Variants in GALNT13 observed in about 807,000 individuals in gnomAD.
GALNT13 encodes polypeptide N-acetylgalactosaminyltransferase 13.
Under a neutral mutation model 64.2 loss-of-function variants are expected in GALNT13, and 28 were observed. That is an observed-to-expected ratio of 0.44 (90% CI 0.32 to 0.60). GALNT13 has a LOEUF of 0.60. Among genes scored for constraint, GALNT13 ranks in the 20% least tolerant of loss-of-function variants. The probability of loss-of-function intolerance (pLI) is 0.05; values close to 1 mark genes in which losing one functional copy is unlikely to be tolerated. For synonymous variants in GALNT13, 214 were observed against 224.6 expected (o/e 0.95, Z 0.42); for missense variants, 577 against 669.8 (o/e 0.86, Z 1.53).
At chr2:153,643,033 G>T in the GALNT13 span, among the ~76,000 whole-genome samples, 1 of 151,462 alleles carries the variant, frequency 6.6e-6, no homozygotes, top group Non-Finnish European at 1.5e-5. Context: ...AATATAATCT[G>T]TGAGGTGTAG....
At chr2:154,395,734 T>C (rs1455814440) in intron 9 of GALNT13, among the ~76,000 whole-genome samples, 1 of 152,178 alleles carries the variant, frequency 6.6e-6, no homozygotes, top group East Asian at 1.9e-4. Flanking sequence ...AGTTAATTAA[T>C]TATTCAATCT....
the GALNT13 span, among the ~76,000 whole-genome samples, chr2:153,757,677 C>G: frequency 6.6e-6 from 1 of 152,080 alleles, no homozygotes; most frequent in Non-Finnish European, 1.5e-5. Flanking sequence ...AATAGCTATC[C>G]TGATAAGTGT....
At chr2:153,163,740 C>G in the GALNT13 span, among the ~76,000 whole-genome samples, 1 of 152,146 alleles carries the variant, frequency 6.6e-6, no homozygotes, top group African/African-American at 2.4e-5. Context: ...GTCAGGCTGG[C>G]CGGACGCGGA....
chr2:154,087,097 G>A (rs964153194), intron 3 of GALNT13, among the ~76,000 whole-genome samples: 1 of 151,846 alleles, frequency 6.6e-6, no homozygotes, highest in Non-Finnish European at 1.5e-5. Context: ...TTACATTAAC[G>A]AGAAACCTTA....
chr2:154,362,500 G>A (rs1361862847), intron 9 of GALNT13, among the ~76,000 whole-genome samples: 2 of 151,820 alleles, frequency 1.3e-5, no homozygotes, highest in Non-Finnish European at 2.9e-5. Flanking sequence ...CTATTGGTGG[G>A]TGAGAGACCA....
At chr2:154,184,049 G>T (rs1225892712) in intron 4 of GALNT13, among the ~76,000 whole-genome samples, 1 of 151,500 alleles carries the variant, frequency 6.6e-6, no homozygotes, top group African/African-American at 2.4e-5. Context: ...ACCTTATCAT[G>T]AATTAACCCA....
chr2:153,985,085 A>G (rs1694707584), intron 3 of GALNT13, among the ~76,000 whole-genome samples: 1 of 152,082 alleles, frequency 6.6e-6, no homozygotes, highest in Non-Finnish European at 1.5e-5. Context: ...GATCAACTAC[A>G]ACTATCTATA....
the GALNT13 span, among the ~76,000 whole-genome samples, chr2:153,606,484 A>T: frequency 2.0e-5 from 3 of 151,958 alleles, no homozygotes; most frequent in African/African-American, 4.8e-5. Context: ...AAAATTATGA[A>T]TTTTTTTGTG....
chr2:153,264,290 G>A, the GALNT13 span, among the ~76,000 whole-genome samples: 2 of 152,208 alleles, frequency 1.3e-5, no homozygotes, highest in Non-Finnish European at 2.9e-5. Flanking sequence ...AGAAGCAATA[G>A]ATGCTAGCGA....
chr2:154,388,060 C>A (rs1698599120), intron 9 of GALNT13, among the ~76,000 whole-genome samples: 1 of 152,146 alleles, frequency 6.6e-6, no homozygotes, highest in African/African-American at 2.4e-5. Context: ...ATTCCCATTT[C>A]TCCACATCCT....
At chr2:153,953,420 A>T (rs1692339697) in intron 3 of GALNT13, among the ~76,000 whole-genome samples, 1 of 152,284 alleles carries the variant, frequency 6.6e-6, no homozygotes, top group Non-Finnish European at 1.5e-5. Context: ...TCACAAAAAA[A>T]TCTGTAAAGT....
At chr2:154,438,878 G>T in intron 12 of GALNT13, 152 bp downstream of exon 12, 1 of 578,226 alleles carries the variant, frequency 1.7e-6, no homozygotes, top group Non-Finnish European at 3.0e-6. Flanking sequence ...TATTAGGATG[G>T]CATATCATAT....
At chr2:153,801,716 A>G in the GALNT13 span, among the ~76,000 whole-genome samples, 3 of 152,174 alleles carry the variant, frequency 2.0e-5, no homozygotes, top group Non-Finnish European at 2.9e-5. Context: ...CTGAGCACCC[A>G]TTGTTGGAAA....
the GALNT13 span, among the ~76,000 whole-genome samples, chr2:153,495,301 C>A: frequency 6.6e-6 from 1 of 151,926 alleles, no homozygotes; most frequent in East Asian, 1.9e-4. Context: ...CAGAACGAGA[C>A]TCTGTCTCAA....
At chr2:153,629,357 A>G in the GALNT13 span, among the ~76,000 whole-genome samples, 1 of 151,874 alleles carries the variant, frequency 6.6e-6, no homozygotes, top group African/African-American at 2.4e-5. Context: ...ATCTACAACT[A>G]TCTGATCTTT....
chr2:154,373,628 T>C (rs1697822166), intron 9 of GALNT13, among the ~76,000 whole-genome samples: 1 of 152,210 alleles, frequency 6.6e-6, no homozygotes, highest in South Asian at 2.1e-4. Context: ...AGACCTGCTT[T>C]TAAAATAAAA....
At chr2:153,505,030 A>T in the GALNT13 span, among the ~76,000 whole-genome samples, 1 of 151,892 alleles carries the variant, frequency 6.6e-6, no homozygotes, top group Non-Finnish European at 1.5e-5. Flanking sequence ...TTTATTGGCA[A>T]TTTTTTAGTT....
the GALNT13 span, among the ~76,000 whole-genome samples, chr2:153,595,938 CTTA>C: frequency 6.6e-6 from 1 of 152,126 alleles, no homozygotes; most frequent in Admixed American, 6.6e-5. Flanking sequence ...CAACACATTT[CTTA>C]TTATATTTTG....
intron 4 of GALNT13, among the ~76,000 whole-genome samples, chr2:154,157,870 A>G (rs1274565768): frequency 6.6e-6 from 1 of 152,172 alleles, no homozygotes; most frequent in Non-Finnish European, 1.5e-5. Flanking sequence ...CCTTTTTGAA[A>G]TAAATTTTTC....
Sources: gnomAD v4.1 joint callset for allele counts (sites outside exome capture counted in the v4.1 genomes callset) on GRCh38, gnomAD v4.1.1 for gene constraint, MANE v1.5 for transcripts, NCBI Gene and HGNC (gene_info 2026-07-23, HGNC 2026-07-21) for gene names.